Variants in RMDN2 observed in about 807,000 individuals in gnomAD.
The protein encoded by RMDN2 is regulator of microtubule dynamics protein 2.
Under a neutral mutation model 52.8 loss-of-function variants are expected in RMDN2, and 61 were observed. The ratio of observed to expected loss-of-function variants is 1.16; its 90% confidence interval spans 0.94 to 1.43. The LOEUF (loss-of-function observed/expected upper bound fraction) is 1.43. Ranked by LOEUF, RMDN2 falls within the 40% of genes most tolerant of loss-of-function variation. The pLI is 0.00. For missense variants in RMDN2, 592 were observed against 475.3 expected, an observed-to-expected ratio of 1.25 and a Z score of -2.28; for synonymous variants, 180 against 153.1, an observed-to-expected ratio of 1.18 and a Z score of -1.30.
At chr2:38,040,545 A>T (rs1573212781) in intron 10 of RMDN2, among the ~76,000 whole-genome samples, 1 of 152,220 alleles carries the variant, frequency 6.6e-6, no homozygotes, top group African/African-American at 2.4e-5. Flanking sequence ...TTGATCTTGG[A>T]CTTCCCAGCC....
In RMDN2 at chr2:37,980,027, A is replaced by G. The variant is rs75782385; in HGVS notation, c.731-1256A>G. Among the ~76,000 whole-genome samples, 137 of 152,304 alleles carry G rather than the reference A, an allele frequency of 9.0e-4. 1 individual carries two copies. In the East Asian group the frequency reaches 0.022, roughly 25 times the overall value. ...CAGAATATTTATCTTAATGGATAGA[A>G]CTGTAGAATGCCACCTTAACAAATT... On this transcript the variant is annotated intron_variant, in intron 4 of 10. Coordinates refer to ENST00000354545, the MANE Select transcript of RMDN2 (RefSeq NM_001170791.3).
At chr2:38,024,511 T>C (rs1679629404) in intron 10 of RMDN2, among the ~76,000 whole-genome samples, 3 of 152,170 alleles carry the variant, frequency 2.0e-5, no homozygotes, top group Admixed American at 2.0e-4. Flanking sequence ...GGGTTTAATT[T>C]GTATTTTTCT....
At chr2:37,998,005 A>C (rs1675800503) in intron 8 of RMDN2, 1 of 168,036 alleles carries the variant, frequency 6.0e-6, no homozygotes, top group Non-Finnish European at 1.3e-5. Flanking sequence ...GTATCAGACC[A>C]AATCAGTATT....
chr2:37,948,719 T>G (rs919295632), intron 2 of RMDN2, among the ~76,000 whole-genome samples: 1 of 152,156 alleles, frequency 6.6e-6, no homozygotes, highest in Non-Finnish European at 1.5e-5. Context: ...GAGATTTCTT[T>G]TCTGATGTCT....
intron 2 of RMDN2, among the ~76,000 whole-genome samples, chr2:37,930,037 CCTT>C (rs1347784670): frequency 6.6e-6 from 1 of 152,204 alleles, no homozygotes; most frequent in Admixed American, 6.5e-5. Context: ...CACTCTGACT[CCTT>C]CTGAGAATTC....
At position 37,964,231 on chromosome 2, in the gene RMDN2, G is replaced by A. The variant is rs1002213326; in HGVS notation, c.453-9809G>A. The stretch of plus-strand genomic sequence containing the variant: ...TCACTTCTCAGACAGGGCGGCTGCC[G>A]GGCGGAGGGGCTCCTCCATACACGT... On this transcript the variant is annotated intron_variant, in intron 2 of 10. Transcript: ENST00000354545. Among the ~76,000 whole-genome samples the A allele has an allele frequency of 1.5e-4, 23 of 152,228 alleles. No individual in the cohort carries two copies. In the East Asian group the frequency reaches 2.5e-3, roughly 17 times the overall value.
chr2:37,942,201 C>G (rs1429450279), intron 2 of RMDN2, among the ~76,000 whole-genome samples: 1 of 152,084 alleles, frequency 6.6e-6, no homozygotes, highest in Non-Finnish European at 1.5e-5. Flanking sequence ...GAAATCCCAC[C>G]CGGCTTCACC....
chr2:38,003,601 T>TAGATAGATAGATAGGC (rs1399175169), intron 8 of RMDN2, among the ~76,000 whole-genome samples: 3 of 124,068 alleles, frequency 2.4e-5, no homozygotes, highest in South Asian at 2.4e-4. Context: ...GATAGATAGA[T>TAGATAGATAGATAGGC]AGGCAGACAG....
In RMDN2 at chr2:37,973,955, A is replaced by G. The variant is rs1227173220; in HGVS notation, c.453-85A>G. On this transcript the variant is annotated intron_variant, in intron 2 of 10. Transcript: ENST00000354545. Reference sequence around the variant, plus strand: ...GCAGAGTTTCAAGCATAAGAGGGGCATGATTTGACTTGCATTTTAAAAGGA... The same window carrying G: ...GCAGAGTTTCAAGCATAAGAGGGGCGTGATTTGACTTGCATTTTAAAAGGA... 3 of 1,062,090 alleles carry G rather than the reference A, an allele frequency of 2.8e-6. No individual in the cohort carries two copies. The African/African-American group carries it at 4.8e-5, about 17-fold the overall frequency. The allele number at this position is 1,062,090 out of a possible 1,614,324, so 65.8% of individuals were successfully genotyped here.
chr2:38,051,577 T>C (rs1399973309), intron 10 of RMDN2, among the ~76,000 whole-genome samples: 2 of 152,222 alleles, frequency 1.3e-5, no homozygotes, highest in African/African-American at 4.8e-5. Flanking sequence ...ATATACAATA[T>C]GTTATTAACT....
At chr2:38,002,612 G>C (rs961926515) in intron 8 of RMDN2, among the ~76,000 whole-genome samples, 1 of 152,106 alleles carries the variant, frequency 6.6e-6, no homozygotes, top group Non-Finnish European at 1.5e-5. Flanking sequence ...ATGTAAAATG[G>C]TTCCATTTTG....
chr2:37,997,700 A>T, intron 8 of RMDN2, 186 bp downstream of exon 8: 1 of 556,720 alleles, frequency 1.8e-6, no homozygotes, highest in East Asian at 3.1e-5. Context: ...ACTCCTTAGA[A>T]CAACTAGTTA....
At chr2:37,937,239 C>T (rs745859049) in intron 2 of RMDN2, among the ~76,000 whole-genome samples, 1 of 152,186 alleles carries the variant, frequency 6.6e-6, no homozygotes, top group Middle Eastern at 3.4e-3. Context: ...TTTCTGAAGC[C>T]TCTGTTCTGT....
At chr2:38,028,826 G>C (rs965504055) in intron 10 of RMDN2, among the ~76,000 whole-genome samples, 1 of 152,210 alleles carries the variant, frequency 6.6e-6, no homozygotes, top group South Asian at 2.1e-4. Context: ...TCTCCTTGGG[G>C]GTCAAGGTCA....
At chr2:38,007,579 A>C (rs774125804) in intron 10 of RMDN2, among the ~76,000 whole-genome samples, 2 of 151,982 alleles carry the variant, frequency 1.3e-5, no homozygotes, top group African/African-American at 2.4e-5. Context: ...TATTGCGTCT[A>C]TTTGATTCTT....
rs138114158 is a variant in RMDN2, at chr2:37,975,263, A to G, written c.679A>G (p.Met227Val). ...MWRFARAYGD[M>V]YELSTNTQEK... ...GCGATTTGCTCGTGCTTATGGAGAC[A>G]TGTATGAACTATCTACAAACACACA... Residue 227 changes from methionine to valine, a missense_variant, in exon 4 of 11, where the codon ATG becomes GTG. Coordinates refer to ENST00000354545, the MANE Select transcript of RMDN2 (RefSeq NM_001170791.3). The G allele has an allele frequency of 7.4e-6, 12 of 1,611,010 alleles. No homozygotes were observed. The highest frequency in any genetic ancestry group is 2.2e-5 in the East Asian group (1 of 44,834).
chr2:38,015,583 A>G (rs976624297), intron 10 of RMDN2, among the ~76,000 whole-genome samples: 2 of 152,108 alleles, frequency 1.3e-5, no homozygotes, highest in South Asian at 2.1e-4. Flanking sequence ...AAAAAAGAAA[A>G]AAAAGGAAAT....
At chr2:37,960,571 C>G (rs924701293) in intron 2 of RMDN2, among the ~76,000 whole-genome samples, 1 of 152,094 alleles carries the variant, frequency 6.6e-6, no homozygotes, top group Non-Finnish European at 1.5e-5. Context: ...ATACAGCACA[C>G]CAATGGGTCT....
chr2:37,975,399 C>T (rs1672339335), intron 4 of RMDN2, 85 bp downstream of exon 4: 1 of 769,170 alleles, frequency 1.3e-6, no homozygotes, highest in Non-Finnish European at 2.2e-6. Context: ...GAGTTCATGT[C>T]CTTTGCAGGG....
Sources: gnomAD v4.1 joint callset for allele counts (sites outside exome capture counted in the v4.1 genomes callset) on GRCh38, gnomAD v4.1.1 for gene constraint, MANE v1.5 for transcripts, NCBI Gene and HGNC (gene_info 2026-07-23, HGNC 2026-07-21) for gene names.